Variants in TPD52L2 observed in about 807,000 individuals in gnomAD.
TPD52L2 encodes the protein tumor protein D54.
Under a neutral mutation model 24.7 loss-of-function variants are expected in TPD52L2, and 19 were observed. The ratio of observed to expected loss-of-function variants is 0.77; its 90% CI spans 0.54 to 1.13. The LOEUF is 1.13. Ranked by LOEUF, TPD52L2 falls within the 50% of genes most tolerant of loss-of-function variation. The probability of loss-of-function intolerance (pLI) is 0.00; values close to 1 mark genes in which losing one functional copy is unlikely to be tolerated. For missense variants in TPD52L2, 236 were observed against 250.4 expected (o/e 0.94, Z 0.39); for synonymous variants, 104 against 100.2 (o/e 1.04, Z -0.23).
Position 63,865,324 on chromosome 20 carries a change from C to T in TPD52L2, c.-42C>T, listed in dbSNP as rs1403209927. The T allele has an allele frequency of 6.6e-7, 1 of 1,512,780 alleles. No individual in the cohort carries two copies. The highest frequency in any genetic ancestry group is 8.8e-7 in the Non-Finnish European group (1 of 1,136,180). 93.7% of individuals were successfully genotyped at this position (1,512,780 alleles called of 1,614,324 possible). On this transcript the variant is annotated 5_prime_UTR_variant, in exon 1 of 7. Coordinates refer to ENST00000346249, the MANE Select transcript of TPD52L2 (RefSeq NM_003288.4). ...GCTTCTCCCGGCGCCGCCCGCTCGGCTCCCATAGCGCCCGCGACAGCGGTC... is the reference window on the plus strand; with the variant it reads ...GCTTCTCCCGGCGCCGCCCGCTCGGTTCCCATAGCGCCCGCGACAGCGGTC...
At chr20:63,876,682 G>T (rs949629750) in intron 4 of TPD52L2, 1 of 440,400 alleles carries the variant, frequency 2.3e-6, no homozygotes, top group Admixed American at 2.5e-5. Context: ...AAAGGAAGCA[G>T]TTGCTGCCGA....
At position 63,889,180 on chromosome 20, in the gene TPD52L2, C is replaced by CT. The variant is rs1337103963; in HGVS notation, c.477-9dup. On this transcript the variant is annotated splice_polypyrimidine_tract_variant and intron_variant, in intron 5 of 6. Coordinates refer to ENST00000346249, the MANE Select transcript of TPD52L2 (RefSeq NM_003288.4). Reference sequence around the variant, plus strand: ...TCTTGACACCGACACTCTTCCCTCTCTCTTTAAAGGAACTCTGCGACCTTC... The same window carrying CT: ...TCTTGACACCGACACTCTTCCCTCTCTTCTTTAAAGGAACTCTGCGACCTTC... The CT allele has an allele frequency of 6.2e-7, 1 of 1,613,158 alleles. No individual in the cohort carries two copies.
intron 6 of TPD52L2, 146 bp downstream of exon 6, chr20:63,889,384 C>T (rs1303206509): frequency 5.1e-6 from 4 of 780,096 alleles, no homozygotes; most frequent in Non-Finnish European, 8.8e-6. Flanking sequence ...TTACACAGTT[C>T]TCTCCTGTGA....
At chr20:63,886,020 C>T (rs1201398035) in intron 5 of TPD52L2, 2 of 1,614,184 alleles carry the variant, frequency 1.2e-6, no homozygotes, top group East Asian at 2.2e-5. Flanking sequence ...TTCCAGGGCT[C>T]ATCCATTTTC....
chr20:63,873,859 C>T lies in TPD52L2; in HGVS notation c.314+43C>T, dbSNP rs557866594. 2.8e-5 allele frequency: 41 copies of T among 1,439,242 alleles called. No individual in the cohort carries two copies. The African/African-American group carries it at 3.4e-4, about 12-fold the overall frequency. The allele number at this position is 1,439,242 out of a possible 1,614,324, so 89.2% of individuals were successfully genotyped here. A position where few individuals can be genotyped will look rare whatever the true frequency, so the allele number is the denominator to read the frequency against. ...GCGCACCCCTGGGGGCTGAAGAGAA[C>T]GGGCACCACACGTGCCCCGGCATGT... On this transcript the variant is annotated intron_variant, in intron 3 of 6. Transcript: ENST00000346249.
At chr20:63,875,774 A>G (rs780946639) in intron 3 of TPD52L2, 42 bp from the exon 4 acceptor site, 4 of 1,604,928 alleles carry the variant, frequency 2.5e-6, no homozygotes, top group Non-Finnish European at 3.4e-6. Context: ...CTGAGTTAAA[A>G]TTGTTCTTCT....
intron 6 of TPD52L2, 72 bp downstream of exon 6, chr20:63,889,310 C>A (rs1400225087): frequency 7.5e-7 from 1 of 1,340,644 alleles, no homozygotes; most frequent in East Asian, 2.4e-5. Flanking sequence ...TATTATTAGT[C>A]ATTTAGTTAT....
rs544372977 is a variant in TPD52L2, at chr20:63,877,692, T to G, written c.374+1817T>G. Among the ~76,000 whole-genome samples, 6 of 152,344 alleles carry G rather than the reference T, an allele frequency of 3.9e-5. No homozygotes were observed. The highest frequency in any genetic ancestry group is 1.4e-4 in the African/African-American group (6 of 41,586). On this transcript the variant is annotated intron_variant, in intron 4 of 6. Coordinates refer to ENST00000346249, the MANE Select transcript of TPD52L2 (RefSeq NM_003288.4). This position sits in a 1 kb window ranked among gnomAD's most constrained non-coding sequence, Gnocchi z 4.1. Reference sequence around the variant, plus strand: ...GGGATCCTATTTCAAATAAATAGTGTTTTAGAGAGCTTATTACAACACTCA... The same window carrying G: ...GGGATCCTATTTCAAATAAATAGTGGTTTAGAGAGCTTATTACAACACTCA...
intron 2 of TPD52L2, among the ~76,000 whole-genome samples, chr20:63,870,528 T>TC (rs1166654264): frequency 7.3e-6 from 1 of 136,488 alleles, no homozygotes; most frequent in Non-Finnish European, 1.6e-5. Flanking sequence ...AAGTTTTTTT[T>TC]TTTTTTTTTT....
intron 2 of TPD52L2, among the ~76,000 whole-genome samples, chr20:63,871,866 T>C (rs547843038): frequency 1.2e-3 from 178 of 152,156 alleles, no homozygotes; most frequent in African/African-American, 3.9e-3. Flanking sequence ...ACTCCTGACC[T>C]CAGGTGATCT....
Position 63,875,865 on chromosome 20 carries a change from C to T in TPD52L2, c.364C>T (p.Gln122Ter), listed in dbSNP as rs979837137. 4 of 1,614,036 alleles carry T rather than the reference C, an allele frequency of 2.5e-6. No individual in the cohort carries two copies. Among genetic ancestry groups the T allele is most frequent in the Non-Finnish European group, 3.4e-6 (4 of 1,180,016 alleles). ...TGGAGAGTGGAATGAGAAAGTGACC[C>T]AGTCAGACCTGTGAGTGCCTGTATC... ...KLGEWNEKVT[Q>*]SDLYKKTQET... Residue 122 changes from glutamine (Q) to a stop codon, truncating the protein, a stop_gained, in exon 4 of 7, where the codon CAG (glutamine) becomes TAG (stop). Transcript: ENST00000346249. LOFTEE classifies it high-confidence loss of function.
chr20:63,875,949 G>A, intron 4 of TPD52L2, 74 bp downstream of exon 4: 1 of 1,437,786 alleles, frequency 7.0e-7, no homozygotes, highest in African/African-American at 1.4e-5. Flanking sequence ...GAAGGGGGCT[G>A]TGCACACTTG....
intron 4 of TPD52L2, 36 bp from the exon 5 acceptor site, chr20:63,882,683 A>G: frequency 4.5e-6 from 7 of 1,566,686 alleles, no homozygotes; most frequent in Non-Finnish European, 6.2e-6. Flanking sequence ...TGACCCGCCC[A>G]TGCTGTCTGG....
chr20:63,869,217 T>C, intron 1 of TPD52L2, 79 bp from the exon 2 acceptor site: 1 of 1,559,072 alleles, frequency 6.4e-7, no homozygotes, highest in South Asian at 1.1e-5. Context: ...CCTGTGCTTT[T>C]GTCCTGCTAG....
At chr20:63,878,115 C>G (rs180767578) in intron 4 of TPD52L2, among the ~76,000 whole-genome samples, 18 of 152,378 alleles carry the variant, frequency 1.2e-4, no homozygotes, top group Admixed American at 9.8e-4. Context: ...AGATGTACCT[C>G]CACTGCCCAG....
intron 5 of TPD52L2, chr20:63,887,462 G>A (rs1165887884): frequency 1.5e-5 from 19 of 1,259,192 alleles, no homozygotes; most frequent in Non-Finnish European, 2.1e-5. Context: ...TGCTGGGAGT[G>A]GGGGAATCCC....
intron 1 of TPD52L2, among the ~76,000 whole-genome samples, chr20:63,867,001 T>C (rs1703194736): frequency 6.6e-6 from 1 of 151,582 alleles, no homozygotes; most frequent in African/African-American, 2.4e-5. Flanking sequence ...TTGCCCACGC[T>C]GCAGTACAAT....
chr20:63,873,504 C>T (rs1445491293), intron 2 of TPD52L2, among the ~76,000 whole-genome samples, 164 bp from the exon 3 acceptor site: 1 of 150,838 alleles, frequency 6.6e-6, no homozygotes, highest in Non-Finnish European at 1.5e-5. Context: ...AAAAAAAAAC[C>T]AAAACCCAAA....
chr20:63,884,041 G>GT (rs1568957094), intron 5 of TPD52L2, among the ~76,000 whole-genome samples: 2 of 152,100 alleles, frequency 1.3e-5, no homozygotes, highest in African/African-American at 2.4e-5. Context: ...TTTTATTTTT[G>GT]TTTTTTTGAG....
Sources: gnomAD v4.1 joint callset for allele counts (sites outside exome capture counted in the v4.1 genomes callset) on GRCh38, gnomAD v4.1.1 for gene constraint, Gnocchi (gnomAD v3.1) non-coding constraint, MANE v1.5 for transcripts, NCBI Gene and HGNC (gene_info 2026-07-23, HGNC 2026-07-21) for gene names.